ZNF680: variants seen among roughly 807,000 people sequenced by gnomAD.
ZNF680 encodes hypothetical protein FLJ90430.
ZNF680 carries 6 observed loss-of-function variants against 12.1 expected under a neutral mutation model. That is an observed-to-expected ratio of 0.49 (90% confidence interval 0.27 to 0.98). ZNF680 has a LOEUF of 0.98. Ranked by LOEUF, ZNF680 falls within the 50% of genes least tolerant of loss-of-function variation. The probability of loss-of-function intolerance (pLI) is 0.12; values close to 1 mark genes in which losing one functional copy is unlikely to be tolerated. For missense variants in ZNF680, 561 were observed against 616.3 expected (o/e 0.91, Z 0.95); for synonymous variants, 170 against 199.3 (o/e 0.85, Z 1.24).
At chr7:64,517,678 A>T (rs1313869882), downstream of ZNF680, among the ~76,000 whole-genome samples, 1 of 152,052 alleles carries the variant, frequency 6.6e-6, no homozygotes, top group Admixed American at 6.6e-5. Flanking sequence ...ATGAACACAG[A>T]GGCTAAAATC....
chr7:64,547,440 T>C (rs1373108868), intron 1 of ZNF680, among the ~76,000 whole-genome samples: 2 of 152,228 alleles, frequency 1.3e-5, no homozygotes, highest in African/African-American at 4.8e-5. Flanking sequence ...GAAAACAACA[T>C]GTACACATGT....
At chr7:64,524,273 T>C (rs146951686) in intron 3 of ZNF680, among the ~76,000 whole-genome samples, 2 of 151,224 alleles carry the variant, frequency 1.3e-5, no homozygotes, top group African/African-American at 4.9e-5. Flanking sequence ...TCAGCCTCCC[T>C]AGTAGCTGGG....
At chr7:64,524,909 TAC>T (rs1040629273) in intron 3 of ZNF680, 42 of 151,744 alleles carry the variant, frequency 2.8e-4, no homozygotes, top group Admixed American at 1.1e-3. Flanking sequence ...ATTAAAACAA[TAC>T]ACTCTTGAGC....
intron 1 of ZNF680, 131 bp downstream of exon 1, chr7:64,562,794 C>G: frequency 9.9e-7 from 1 of 1,014,292 alleles, no homozygotes; most frequent in East Asian, 2.5e-5. Flanking sequence ...GAGGACCGAG[C>G]TGCGCCAAGG....
chr7:64,523,802 A>G (rs1161878383), intron 3 of ZNF680, among the ~76,000 whole-genome samples: 1 of 151,894 alleles, frequency 6.6e-6, no homozygotes, highest in Admixed American at 6.6e-5. Flanking sequence ...AGTCCCAGCT[A>G]CTTGGGAGGC....
chr7:64,552,444 A>G (rs1010764714), intron 1 of ZNF680, among the ~76,000 whole-genome samples: 21 of 152,238 alleles, frequency 1.4e-4, no homozygotes, highest in African/African-American at 3.9e-4. Flanking sequence ...GAGGAGAGCT[A>G]TTATAGTTTT....
chr7:64,519,999 T>A lies in ZNF680; in HGVS notation c.*1162A>T, dbSNP rs1261617552. ...GTAAAATGATTCACTAGTAATTTAA[T>A]TACATTTAATTTAAAGTAAAATTAA... On this transcript the variant is annotated 3_prime_UTR_variant, in exon 4 of 4. Coordinates refer to ENST00000309683, the MANE Select transcript of ZNF680 (RefSeq NM_178558.5). 1 of 151,798 alleles carries A rather than the reference T, an allele frequency of 6.6e-6. No individual in the cohort carries two copies. Among genetic ancestry groups the A allele is most frequent in the African/African-American group, 2.4e-5 (1 of 41,422 alleles). 9.4% of individuals were successfully genotyped at this position (151,798 alleles called of 1,614,324 possible).
At chr7:64,507,804 T>C in the ZNF680 span, among the ~76,000 whole-genome samples, 1 of 148,518 alleles carries the variant, frequency 6.7e-6, no homozygotes, top group African/African-American at 2.5e-5. Context: ...AAGTGTTTTT[T>C]TCATCTTAAA....
intron 3 of ZNF680, among the ~76,000 whole-genome samples, chr7:64,533,988 A>G (rs1786026058): frequency 6.6e-6 from 1 of 152,306 alleles, no homozygotes; most frequent in South Asian, 2.1e-4. Context: ...CTGGATCTTT[A>G]TCTCTCACCT....
At chr7:64,525,532 C>T (rs931696895) in intron 3 of ZNF680, 1 of 160,710 alleles carries the variant, frequency 6.2e-6, no homozygotes, top group Admixed American at 6.6e-5. Context: ...TTGAAAAGTG[C>T]CAGGAAATGG....
intron 3 of ZNF680, among the ~76,000 whole-genome samples, chr7:64,523,912 CAA>C (rs547200252): frequency 9.5e-5 from 11 of 115,212 alleles, no homozygotes; most frequent in Admixed American, 9.2e-5. Context: ...GACTCCATCT[CAA>C]AAAAAAAAAA....
chr7:64,507,422 T>A, the ZNF680 span, among the ~76,000 whole-genome samples: 1 of 152,196 alleles, frequency 6.6e-6, no homozygotes, highest in Non-Finnish European at 1.5e-5. Flanking sequence ...AACAATATAC[T>A]GTGTATTTCA....
At chr7:64,508,148 ATTTT>A in the ZNF680 span, among the ~76,000 whole-genome samples, 1 of 95,366 alleles carries the variant, frequency 1.0e-5, no homozygotes, top group African/African-American at 5.4e-5. Flanking sequence ...TATATACATA[ATTTT>A]TTTTTTTTTT....
In ZNF680 at chr7:64,521,253, G is replaced by T. The variant is rs1358030286; in HGVS notation, c.1501C>A (p.Arg501=). The change falls in exon 4 of 4, where the codon CGG becomes AGG. Residue 501 remains arginine (R), a synonymous_variant. Transcript: ENST00000309683. ...TTATGTCTAGTAAGGTGTGAGGACC[G>T]GTTAAAAGCTTTGCCACATTCTTCA... The part of the protein sequence containing the change: ...KCEECGKAFN[R]SSHLTRHKKI... 8.7e-6 allele frequency: 14 copies of T among 1,613,396 alleles called. No individual in the cohort carries two copies. Among genetic ancestry groups the T allele is most frequent in the African/African-American group, 1.3e-5 (1 of 74,852 alleles).
chr7:64,501,242 C>A, the ZNF680 span: 1 of 888,578 alleles, frequency 1.1e-6, no homozygotes, highest in Non-Finnish European at 1.9e-6. Flanking sequence ...AGTTGCCCAG[C>A]ACATTTTCCT....
At chr7:64,527,610 A>T (rs1332617407) in intron 3 of ZNF680, among the ~76,000 whole-genome samples, 1 of 151,738 alleles carries the variant, frequency 6.6e-6, no homozygotes. Context: ...CAGGAGAATC[A>T]CTTGAACCCG....
At chr7:64,509,200 A>G in the ZNF680 span, among the ~76,000 whole-genome samples, 4 of 152,148 alleles carry the variant, frequency 2.6e-5, no homozygotes, top group Non-Finnish European at 4.4e-5. Context: ...TTTACCTAAC[A>G]CTTCTAATCC....
Position 64,522,255 on chromosome 7 carries a change from A to C in ZNF680, c.499T>G (p.Ser167Ala), listed in dbSNP as rs140933799. 1 of 1,612,736 alleles carries C rather than the reference A, an allele frequency of 6.2e-7. No homozygotes were observed. Among genetic ancestry groups the C allele is most frequent in the African/African-American group, 1.3e-5 (1 of 74,880 alleles). The change falls in exon 4 of 4, where the codon TCA (serine) becomes GCA (alanine). Residue 167 changes from serine to alanine, a missense_variant. Transcript: ENST00000309683. ...DKYVKVFHKF[S>A]NSNSHKKRNT... ...CTTTTCTTATGACTGTTTGAATTTG[A>C]AAATTTATGAAAGACTTTCACGTAT...
At chr7:64,508,123 G>GTATGTGTA in the ZNF680 span, among the ~76,000 whole-genome samples, 1 of 117,684 alleles carries the variant, frequency 8.5e-6, no homozygotes, top group African/African-American at 4.2e-5. Flanking sequence ...ATTTTAAAAT[G>GTATGTGTA]TATATATATA....
Sources: gnomAD v4.1 joint callset for allele counts (sites outside exome capture counted in the v4.1 genomes callset) on GRCh38, gnomAD v4.1.1 for gene constraint, MANE v1.5 for transcripts, NCBI Gene and HGNC (gene_info 2026-07-23, HGNC 2026-07-21) for gene names.